The following CEP350 variants were observed in gnomAD, a reference collection of about 807,000 sequenced individuals.
CEP350 encodes centrosomal protein 350, also known as centrosome-associated protein 350.
CEP350 carries 126 observed loss-of-function variants against 331.8 expected under a neutral mutation model. The ratio of observed to expected loss-of-function variants is 0.38; its 90% CI spans 0.33 to 0.44. The LOEUF is 0.44. Among genes scored for constraint, CEP350 ranks in the 20% least tolerant of loss-of-function variants. CEP350 has a pLI of 1.00. For missense variants in CEP350, 3,406 were observed against 3,634.6 expected (o/e 0.94, Z 1.62); for synonymous variants, 1,200 against 1,259.5 (o/e 0.95, Z 1.00).
chr1:180,030,821 T>G (rs1451813102), intron 14 of CEP350, among the ~76,000 whole-genome samples: 1 of 152,088 alleles, frequency 6.6e-6, no homozygotes, highest in Admixed American at 6.6e-5. Context: ...AATTTTTGTT[T>G]CAGTCATCTT....
intron 37 of CEP350, among the ~76,000 whole-genome samples, chr1:180,106,009 T>G (rs1254164527): frequency 6.6e-6 from 1 of 152,228 alleles, no homozygotes; most frequent in Non-Finnish European, 1.5e-5. Flanking sequence ...CCCCTTTTTC[T>G]TTCACAAAGG....
intron 37 of CEP350, among the ~76,000 whole-genome samples, chr1:180,105,467 T>C (rs1661094911): frequency 6.6e-6 from 1 of 152,224 alleles, no homozygotes; most frequent in African/African-American, 2.4e-5. Flanking sequence ...TTTGGATGTC[T>C]ATTAGACATC....
At chr1:180,079,428 T>C (rs1189098627) in intron 29 of CEP350, among the ~76,000 whole-genome samples, 2 of 151,868 alleles carry the variant, frequency 1.3e-5, no homozygotes, top group Non-Finnish European at 2.9e-5. Context: ...CATTGAAAAG[T>C]CAATCAGGTT....
At chr1:180,056,230 AT>A (rs1458656597) in intron 25 of CEP350, among the ~76,000 whole-genome samples, 1 of 152,046 alleles carries the variant, frequency 6.6e-6, no homozygotes, top group Non-Finnish European at 1.5e-5. Context: ...ATTTTCCATT[AT>A]TTACTGCTTT....
intron 15 of CEP350, among the ~76,000 whole-genome samples, chr1:180,031,868 C>T (rs1312737797): frequency 6.6e-6 from 1 of 152,072 alleles, no homozygotes; most frequent in African/African-American, 2.4e-5. Flanking sequence ...AAGTGCATAA[C>T]TCTACTTGAA....
chr1:179,965,818 G>A (rs564075190), intron 1 of CEP350, among the ~76,000 whole-genome samples: 3 of 151,812 alleles, frequency 2.0e-5, no homozygotes, highest in South Asian at 2.1e-4. Flanking sequence ...TAGAGACGGG[G>A]TTTCACCATG....
At chr1:180,097,174 G>A (rs1553267350) in intron 36 of CEP350, among the ~76,000 whole-genome samples, 1 of 152,208 alleles carries the variant, frequency 6.6e-6, no homozygotes, top group Non-Finnish European at 1.5e-5. Flanking sequence ...CCAAATCCAG[G>A]CCCCTGTATG....
In CEP350 at chr1:180,020,268, G is replaced by C; in HGVS notation, c.2494G>C (p.Ala832Pro). Residue 832 changes from alanine (A) to proline (P), a missense_variant, in exon 12 of 38, where the codon GCT becomes CCT. Physicochemically the swap from Ala to Pro is conservative, Grantham distance 27. Coordinates refer to ENST00000367607, the MANE Select transcript of CEP350 (RefSeq NM_014810.5). ...TCGTATTGAAGCCTTGAAAGCAACA[G>C]CTGCTTCTTTGTCCAGCAGAATTGA... ...LDRIEALKAT[A>P]ASLSSRIESE... 1 of 1,614,032 alleles carries C rather than the reference G, an allele frequency of 6.2e-7. No individual in the cohort carries two copies. The highest frequency in any genetic ancestry group is 8.5e-7 in the Non-Finnish European group (1 of 1,179,894).
At position 180,019,996 on chromosome 1, in the gene CEP350, C is replaced by T; in HGVS notation, c.2222C>T (p.Pro741Leu). 2 of 1,613,000 alleles carry T rather than the reference C, an allele frequency of 1.2e-6. No homozygotes were observed. The highest frequency in any genetic ancestry group is 8.5e-7 in the Non-Finnish European group (1 of 1,179,438). Residue 741 changes from proline (P) to leucine (L), a missense_variant, in exon 12 of 38, where the codon CCA becomes CTA. By Grantham distance (98) the Pro-to-Leu change is moderately conservative. Transcript: ENST00000367607. Reference protein sequence around the residue: ...STWMQPERLSPQVHHSQPQPF... With the variant: ...STWMQPERLSLQVHHSQPQPF... Reference sequence around the variant, plus strand: ...TGGATGCAGCCTGAAAGATTGAGCCCACAAGTTCACCATTCTCAACCACAG... The same window carrying T: ...TGGATGCAGCCTGAAAGATTGAGCCTACAAGTTCACCATTCTCAACCACAG...
Position 180,075,059 on chromosome 1 carries a change from C to A in CEP350, c.5605C>A (p.Arg1869=). The change falls in exon 28 of 38, where the codon CGA becomes AGA. Residue 1869 remains arginine, a synonymous_variant. Transcript: ENST00000367607. Reference sequence around the variant, plus strand: ...GCGGGAGCAAAAATTAATGCAACGGCGACAACATGCAGAGGAGCTCCTAGA... The same window carrying A: ...GCGGGAGCAAAAATTAATGCAACGGAGACAACATGCAGAGGAGCTCCTAGA... ...TKREQKLMQR[R]QHAEELLEWK... is the part of the protein sequence containing the mutation. 2 of 1,612,414 alleles carry A rather than the reference C, an allele frequency of 1.2e-6. No homozygotes were observed. The highest frequency in any genetic ancestry group is 1.7e-6 in the Non-Finnish European group (2 of 1,179,280).
At chr1:179,969,214 G>A (rs555340600) in intron 1 of CEP350, 89 of 539,782 alleles carry the variant, frequency 1.6e-4, no homozygotes, top group Middle Eastern at 4.2e-4. Context: ...GTGAACACCC[G>A]TGGGAAGTCA....
chr1:180,105,421 A>G (rs1208011802), intron 37 of CEP350, among the ~76,000 whole-genome samples: 3 of 152,100 alleles, frequency 2.0e-5, no homozygotes, highest in African/African-American at 7.2e-5. Context: ...GCTTGACTCC[A>G]GATGCATATA....
At chr1:180,032,320 G>A (rs943008677) in intron 15 of CEP350, among the ~76,000 whole-genome samples, 1 of 151,954 alleles carries the variant, frequency 6.6e-6, no homozygotes, top group Non-Finnish European at 1.5e-5. Flanking sequence ...ACCATTTTTA[G>A]TGCTTTCATG....
intron 1 of CEP350, among the ~76,000 whole-genome samples, chr1:179,958,695 C>CA (rs1650357280): frequency 1.3e-5 from 2 of 152,032 alleles, no homozygotes; most frequent in South Asian, 4.2e-4. Context: ...ACAGGGGTAC[C>CA]ATGAGAATTA....
intron 25 of CEP350, among the ~76,000 whole-genome samples, chr1:180,061,672 G>T (rs771166212): frequency 6.6e-6 from 1 of 152,126 alleles, no homozygotes; most frequent in Non-Finnish European, 1.5e-5. Context: ...GTAGACAGGG[G>T]CAGTCCTTTT....
chr1:180,094,565 A>G lies in CEP350; in HGVS notation c.8460A>G (p.Glu2820=). The G allele has an allele frequency of 6.2e-7, 1 of 1,613,854 alleles. No individual in the cohort carries two copies. The highest frequency in any genetic ancestry group is 8.5e-7 in the Non-Finnish European group (1 of 1,179,828). ...TTTCAGGTTGCTTCTTAAGTTCTGA[A>G]TTGGAAGATGAAAAAGAAGAGATTT... The part of the protein sequence containing the change: ...PSISGCFLSS[E]LEDEKEEISS... The change falls in exon 34 of 38, where the codon GAA becomes GAG. Residue 2820 remains glutamate (E), a synonymous_variant. Coordinates refer to ENST00000367607, the MANE Select transcript of CEP350 (RefSeq NM_014810.5).
chr1:180,096,320 C>A, intron 36 of CEP350, 136 bp downstream of exon 36: 2 of 893,704 alleles, frequency 2.2e-6, no homozygotes, highest in Non-Finnish European at 3.1e-6. Flanking sequence ...AGTGGGTATT[C>A]AATAAAGATT....
chr1:180,057,032 A>G (rs1657893587), intron 25 of CEP350, among the ~76,000 whole-genome samples: 1 of 150,098 alleles, frequency 6.7e-6, no homozygotes, highest in South Asian at 2.1e-4. Flanking sequence ...ATAATACCCA[A>G]TTTTATTCTT....
intron 37 of CEP350, among the ~76,000 whole-genome samples, chr1:180,105,595 A>G (rs1307620997): frequency 6.6e-6 from 1 of 152,172 alleles, no homozygotes; most frequent in Non-Finnish European, 1.5e-5. Context: ...AGTTTTTATC[A>G]TGAAAGGGTA....
Sources: allele counts gnomAD v4.1 joint callset (sites outside exome capture counted in the v4.1 genomes callset), GRCh38; gene constraint gnomAD v4.1.1; transcripts MANE v1.5; gene names NCBI Gene and HGNC (gene_info 2026-07-23, HGNC 2026-07-21).